The following CDH4 variants were observed in gnomAD, a reference collection of about 807,000 sequenced individuals.
CDH4 encodes cadherin-4.
CDH4 carries 33 observed loss-of-function variants against 86.0 expected under a neutral mutation model. That is an observed-to-expected ratio of 0.38 (90% CI 0.29 to 0.51). CDH4 has a LOEUF of 0.51. Among genes scored for constraint, CDH4 ranks in the 20% least tolerant of loss-of-function variants. CDH4 has a pLI of 0.86. For synonymous variants in CDH4, 555 were observed against 549.4 expected, an observed-to-expected ratio of 1.01 and a Z score of -0.14; for missense variants, 1,114 against 1,307.4, an observed-to-expected ratio of 0.85 and a Z score of 2.28.
At position 61,304,360 on chromosome 20, in the gene CDH4, A is replaced by T. The variant is rs1046786724; in HGVS notation, c.169+49423A>T. Among the ~76,000 whole-genome samples the T allele has an allele frequency of 2.0e-5, 3 of 149,992 alleles. No homozygotes were observed. In the East Asian group the frequency reaches 5.9e-4, roughly 30 times the overall value. ...GTTTTTGTTATTTTACTTCATTCTG[A>T]TACTGGTTTTCTGCGTCCTAGTTTT... On this transcript the variant is annotated intron_variant, in intron 2 of 15. Coordinates refer to ENST00000614565, the MANE Select transcript of CDH4 (RefSeq NM_001794.5).
chr20:61,809,582 T>C (rs1300841958), intron 4 of CDH4, among the ~76,000 whole-genome samples: 1 of 152,196 alleles, frequency 6.6e-6, no homozygotes, highest in African/African-American at 2.4e-5. Flanking sequence ...GAAAGCAGGC[T>C]GTGAGCACAC....
chr20:61,882,812 G>A (rs911483735), intron 7 of CDH4, among the ~76,000 whole-genome samples: 9 of 152,010 alleles, frequency 5.9e-5, no homozygotes, highest in Non-Finnish European at 1.2e-4. Context: ...AGGTGGCATG[G>A]GCCGCCCCAG....
chr20:61,792,367 C>T (rs1979250711), intron 4 of CDH4, among the ~76,000 whole-genome samples: 1 of 152,156 alleles, frequency 6.6e-6, no homozygotes, highest in Admixed American at 6.5e-5. Context: ...TCCTGCACAT[C>T]TGTCTCTTCC....
chr20:61,782,945 C>T (rs373926249), intron 4 of CDH4, among the ~76,000 whole-genome samples: 2 of 151,994 alleles, frequency 1.3e-5, no homozygotes, highest in South Asian at 2.1e-4. Context: ...ATTAGCCGGC[C>T]GTGGTGGCAC....
chr20:61,391,422 G>A (rs1014399179), intron 2 of CDH4, among the ~76,000 whole-genome samples: 1 of 152,198 alleles, frequency 6.6e-6, no homozygotes, highest in Non-Finnish European at 1.5e-5. Context: ...TGCGGTAGAT[G>A]AGAATGTCCA....
At chr20:61,310,985 G>T (rs1216270996) in intron 2 of CDH4, among the ~76,000 whole-genome samples, 1 of 152,092 alleles carries the variant, frequency 6.6e-6, no homozygotes, top group Non-Finnish European at 1.5e-5. Context: ...ATTTGACGGG[G>T]ACACAGGTCA....
intron 6 of CDH4, among the ~76,000 whole-genome samples, chr20:61,868,168 A>C (rs182441841): frequency 6.6e-6 from 1 of 152,344 alleles, no homozygotes; most frequent in African/African-American, 2.4e-5. Flanking sequence ...GGTCTGGGCC[A>C]GGGCCACCAG....
rs1188507211 is a variant in CDH4 at position 61,829,183 on chromosome 20, C to T, written c.577-15485C>T. ...GCTTCTCCTTCCCTGGCCTCGCCCCCAGCAGCCAATAACGTACTTCCTGTC... is the reference window on the plus strand; with the variant it reads ...GCTTCTCCTTCCCTGGCCTCGCCCCTAGCAGCCAATAACGTACTTCCTGTC... On this transcript the variant is annotated intron_variant, in intron 4 of 15. Coordinates refer to ENST00000614565, the MANE Select transcript of CDH4 (RefSeq NM_001794.5). The surrounding 1 kb of genome is among the most constrained non-coding windows in gnomAD (Gnocchi z 4.2). Among the ~76,000 whole-genome samples, 1 of 152,244 alleles carries T rather than the reference C, an allele frequency of 6.6e-6. No homozygotes were observed. The highest frequency in any genetic ancestry group is 2.4e-5 in the African/African-American group (1 of 41,462).
At chr20:61,614,600 A>G (rs888595974) in intron 2 of CDH4, among the ~76,000 whole-genome samples, 7 of 152,118 alleles carry the variant, frequency 4.6e-5, no homozygotes, top group Admixed American at 3.3e-4. Context: ...GTGGGCAATT[A>G]GTGTCAGAAT....
intron 5 of CDH4, among the ~76,000 whole-genome samples, chr20:61,846,082 C>T (rs1982439606): frequency 6.6e-6 from 1 of 152,236 alleles, no homozygotes. Flanking sequence ...CCACAGTGGC[C>T]TCCCTGACAG....
intron 2 of CDH4, among the ~76,000 whole-genome samples, chr20:61,560,114 C>G (rs1302975573): frequency 6.6e-6 from 1 of 151,362 alleles, no homozygotes; most frequent in Admixed American, 6.6e-5. Context: ...CTCTGCTTAT[C>G]TGGTCGGCGG....
intron 6 of CDH4, among the ~76,000 whole-genome samples, chr20:61,869,194 T>A (rs1207281830): frequency 6.6e-6 from 1 of 152,248 alleles, no homozygotes; most frequent in Non-Finnish European, 1.5e-5. Flanking sequence ...GGCAACCCTA[T>A]ATTGATTCCC....
intron 2 of CDH4, among the ~76,000 whole-genome samples, chr20:61,636,355 T>C (rs550978173): frequency 1.8e-4 from 27 of 152,352 alleles, no homozygotes; most frequent in African/African-American, 5.8e-4. Flanking sequence ...TTGGCTCCAA[T>C]CATTAAAAAT....
intron 7 of CDH4, among the ~76,000 whole-genome samples, chr20:61,888,082 G>A (rs1984627559): frequency 6.6e-6 from 1 of 152,198 alleles, no homozygotes; most frequent in African/African-American, 2.4e-5. Flanking sequence ...AGTGTCCACA[G>A]CGAGGCTGCC....
chr20:61,824,937 G>A (rs914488742), intron 4 of CDH4, among the ~76,000 whole-genome samples: 9 of 152,164 alleles, frequency 5.9e-5, no homozygotes, highest in South Asian at 2.1e-4. Context: ...AAGTCAGATC[G>A]TCTTTCCAAA....
chr20:61,646,676 C>G (rs1007025767), intron 2 of CDH4, among the ~76,000 whole-genome samples: 2 of 152,242 alleles, frequency 1.3e-5, no homozygotes, highest in African/African-American at 4.8e-5. Flanking sequence ...AGACACAGAT[C>G]AGGCCTCGGC....
At chr20:61,780,271 G>T (rs1481774443) in intron 4 of CDH4, among the ~76,000 whole-genome samples, 3 of 152,100 alleles carry the variant, frequency 2.0e-5, no homozygotes, top group Non-Finnish European at 4.4e-5. Context: ...CCTCAGCCTG[G>T]AGGGTTTTCC....
chr20:61,346,914 C>T (rs1035128685), intron 2 of CDH4, among the ~76,000 whole-genome samples: 4 of 152,090 alleles, frequency 2.6e-5, no homozygotes, highest in African/African-American at 9.7e-5. Context: ...ATCTGTCCCT[C>T]ATCCCCATCC....
At chr20:61,398,614 A>G (rs1003717913) in intron 2 of CDH4, among the ~76,000 whole-genome samples, 19 of 152,160 alleles carry the variant, frequency 1.2e-4, no homozygotes, top group East Asian at 3.9e-4. Context: ...TAAAGCCTCA[A>G]CTGATTGGAC....
Sources: gnomAD v4.1 joint callset for allele counts (sites outside exome capture counted in the v4.1 genomes callset) on GRCh38, gnomAD v4.1.1 for gene constraint, Gnocchi (gnomAD v3.1) non-coding constraint, MANE v1.5 for transcripts, NCBI Gene and HGNC (gene_info 2026-07-23, HGNC 2026-07-21) for gene names.